CAMK2A: variants seen among roughly 807,000 people sequenced by gnomAD.
CAMK2A encodes the protein calcium/calmodulin-dependent protein kinase type II subunit alpha.
A neutral mutation model predicts 79.2 loss-of-function variants in CAMK2A; 7 were observed. The ratio of observed to expected loss-of-function variants is 0.09; its 90% confidence interval spans 0.05 to 0.17. The LOEUF (loss-of-function observed/expected upper bound fraction) is 0.17, where lower values mean the gene tolerates loss of function less well. Ranked by LOEUF, CAMK2A falls within the 10% of genes least tolerant of loss-of-function variation. CAMK2A has a pLI of 1.00. For missense variants in CAMK2A, 214 were observed against 646.4 expected, an observed-to-expected ratio of 0.33 and a Z score of 7.25; for synonymous variants, 242 against 251.7, an observed-to-expected ratio of 0.96 and a Z score of 0.36.
At chr5:150,224,883 G>A (rs61159377) in intron 17 of CAMK2A, among the ~76,000 whole-genome samples, 2 of 151,906 alleles carry the variant, frequency 1.3e-5, no homozygotes, top group Admixed American at 6.6e-5. Flanking sequence ...AGTTTTGGCC[G>A]GGAGCAGTGA....
chr5:150,258,539 A>G (rs1370134506), intron 3 of CAMK2A, among the ~76,000 whole-genome samples: 2 of 152,222 alleles, frequency 1.3e-5, no homozygotes, highest in African/African-American at 2.4e-5. Context: ...GCAAAGTGCA[A>G]AACAGTATGC....
intron 3 of CAMK2A, among the ~76,000 whole-genome samples, chr5:150,264,044 GC>G (rs1756406865): frequency 6.6e-6 from 1 of 152,202 alleles, no homozygotes; most frequent in African/African-American, 2.4e-5. Flanking sequence ...TTGTGAGAAG[GC>G]ATGGTGGCTG....
intron 16 of CAMK2A, among the ~76,000 whole-genome samples, chr5:150,231,077 G>A (rs1418094504): frequency 1.3e-5 from 2 of 152,200 alleles, no homozygotes; most frequent in Non-Finnish European, 2.9e-5. Context: ...TGAGGAGGAG[G>A]AAGGATGGGA....
At chr5:150,257,483 G>T in intron 4 of CAMK2A, 80 bp downstream of exon 4, 1 of 1,242,816 alleles carries the variant, frequency 8.0e-7, no homozygotes, top group Non-Finnish European at 1.2e-6. Context: ...AGGGAATTCA[G>T]CCCAAGAGGT....
Position 150,286,510 on chromosome 5 carries a change from C to A in CAMK2A, c.62+3054G>T, listed in dbSNP as rs563281383. Among the ~76,000 whole-genome samples the A allele has an allele frequency of 5.9e-5, 9 of 152,378 alleles. No individual in the cohort carries two copies. The South Asian group carries it at 1.9e-3, about 32-fold the overall frequency. On this transcript the variant is annotated intron_variant, in intron 1 of 18. Transcript: ENST00000671881. ...CTCCAGAGGGATTTGCCCTCCTCTC[C>A]TGCTGGGCAGCCCAACGCCTTGAAG...
intron 14 of CAMK2A, 36 bp from the exon 15 acceptor site, chr5:150,238,784 C>T: frequency 6.4e-7 from 1 of 1,564,648 alleles, no homozygotes; most frequent in Non-Finnish European, 8.7e-7. Context: ...TGAGGCCTGC[C>T]TGGGAGCGGG....
At chr5:150,229,926 A>G (rs980266931) in intron 16 of CAMK2A, among the ~76,000 whole-genome samples, 15 of 152,198 alleles carry the variant, frequency 9.9e-5, no homozygotes, top group African/African-American at 3.6e-4. Context: ...AGTTCCACAC[A>G]TGCATCTTCT....
intron 2 of CAMK2A, 103 bp from the exon 3 acceptor site, chr5:150,265,118 C>T: frequency 1.1e-6 from 1 of 879,228 alleles, no homozygotes; most frequent in South Asian, 1.4e-5. Flanking sequence ...CCAGGGCAGC[C>T]CCTGGGGGCT....
rs1757328549 is a variant in CAMK2A, at chr5:150,284,174, C to T, written c.62+5390G>A. On this transcript the variant is annotated intron_variant, in intron 1 of 18. Transcript: ENST00000671881. This position sits in a 1 kb window ranked among gnomAD's most constrained non-coding sequence, Gnocchi z 5.3. ...CAGAGTGAGACCAGAGAGACAGAGACAGAGTGAGACCAGAGAGATGGAGAG... is the reference window on the plus strand; with the variant it reads ...CAGAGTGAGACCAGAGAGACAGAGATAGAGTGAGACCAGAGAGATGGAGAG... Among the ~76,000 whole-genome samples the T allele has an allele frequency of 6.6e-6, 1 of 151,290 alleles. No homozygotes were observed. Among genetic ancestry groups the T allele is most frequent in the African/African-American group, 2.4e-5 (1 of 41,376 alleles).
intron 17 of CAMK2A, among the ~76,000 whole-genome samples, chr5:150,226,028 G>A (rs1262741787): frequency 6.6e-6 from 1 of 152,196 alleles, no homozygotes; most frequent in Non-Finnish European, 1.5e-5. Context: ...TTACAGGCGT[G>A]AGCCACCGCA....
chr5:150,259,379 G>A (rs1054691260), intron 3 of CAMK2A, among the ~76,000 whole-genome samples: 2 of 151,854 alleles, frequency 1.3e-5, no homozygotes, highest in African/African-American at 4.8e-5. Flanking sequence ...AATTAGTTGG[G>A]CATGGTGGCA....
chr5:150,263,690 C>T (rs539735805), intron 3 of CAMK2A, among the ~76,000 whole-genome samples: 1 of 152,320 alleles, frequency 6.6e-6, no homozygotes, highest in Admixed American at 6.5e-5. Context: ...CACTCCCCTC[C>T]TTCCACTGGA....
intron 4 of CAMK2A, among the ~76,000 whole-genome samples, 198 bp from the exon 5 acceptor site, chr5:150,257,029 T>C (rs1045263842): frequency 3.3e-5 from 5 of 151,966 alleles, no homozygotes; most frequent in Non-Finnish European, 5.9e-5. Flanking sequence ...TTGACTCCAG[T>C]CCCCTCTCCT....
At position 150,228,302 on chromosome 5, in the gene CAMK2A, C is replaced by G; in HGVS notation, c.1143-16G>C. Reference sequence around the variant, plus strand: ...GCACATCTTCCTGGGGGAAAGAAGCCAGAGGGAAGAGGGACTGGGGCGGCT... The same window carrying G: ...GCACATCTTCCTGGGGGAAAGAAGCGAGAGGGAAGAGGGACTGGGGCGGCT... On this transcript the variant is annotated splice_polypyrimidine_tract_variant and intron_variant, in intron 16 of 18. Coordinates refer to ENST00000671881, the MANE Select transcript of CAMK2A (RefSeq NM_015981.4). 6.2e-7 allele frequency: 1 copy of G among 1,605,478 alleles called. No homozygotes were observed. The highest frequency in any genetic ancestry group is 8.5e-7 in the Non-Finnish European group (1 of 1,173,004).
At chr5:150,232,734 G>A (rs1754899972) in intron 15 of CAMK2A, among the ~76,000 whole-genome samples, 4 of 152,200 alleles carry the variant, frequency 2.6e-5, no homozygotes, top group South Asian at 4.1e-4. Flanking sequence ...AAGCCTAGCA[G>A]AGGCCCTCAC....
rs1755524151 is a variant in CAMK2A, at chr5:150,245,361, C to G, written c.944-160G>C. 16 of 604,336 alleles carry G rather than the reference C, an allele frequency of 2.6e-5. No individual in the cohort carries two copies. In the South Asian group the frequency reaches 3.0e-4, roughly 11 times the overall value. The allele number at this position is 604,336 out of a possible 1,614,324, so 37.4% of individuals were successfully genotyped here. ...AGGCCTCCTCCTCCTCCTCCTCCTC[C>G]TCCTCCTCCTCCTCCCTCCTTGGAG... On this transcript the variant is annotated intron_variant, in intron 12 of 18. Coordinates refer to ENST00000671881, the MANE Select transcript of CAMK2A (RefSeq NM_015981.4).
intron 15 of CAMK2A, chr5:150,238,470 TA>T: frequency 2.0e-6 from 1 of 502,000 alleles, no homozygotes; most frequent in South Asian, 2.3e-5. Context: ...AAAATAAAAA[TA>T]AATAAAATAA....
intron 1 of CAMK2A, among the ~76,000 whole-genome samples, chr5:150,282,860 C>T (rs1394046822): frequency 6.6e-6 from 1 of 152,258 alleles, no homozygotes; most frequent in East Asian, 1.9e-4. Context: ...ATCTCTGCTG[C>T]CAGAGCACTA....
At chr5:150,261,904 G>A (rs1487237802) in intron 3 of CAMK2A, among the ~76,000 whole-genome samples, 6 of 152,162 alleles carry the variant, frequency 3.9e-5, no homozygotes, top group African/African-American at 7.2e-5. Context: ...GGAAGAGTTC[G>A]ATAAATGGAG....
Sources: allele counts gnomAD v4.1 joint callset (sites outside exome capture counted in the v4.1 genomes callset), GRCh38; gene constraint gnomAD v4.1.1; non-coding constraint Gnocchi (gnomAD v3.1); transcripts MANE v1.5; gene names NCBI Gene and HGNC (gene_info 2026-07-23, HGNC 2026-07-21).